The following DAAM2 variants were observed in gnomAD, a reference collection of about 807,000 sequenced individuals.
DAAM2 encodes the protein dishevelled associated activator of morphogenesis 2, also known as disheveled-associated activator of morphogenesis 2.
A neutral mutation model predicts 120.7 loss-of-function variants in DAAM2; 39 were observed. That is an observed-to-expected ratio of 0.32 (90% confidence interval 0.25 to 0.42). DAAM2 has a LOEUF of 0.42. DAAM2 is among the 10% of genes least tolerant of loss of function. The pLI, the probability that DAAM2 is intolerant of heterozygous loss-of-function variation, is 1.00. For synonymous variants in DAAM2, 488 were observed against 524.9 expected (o/e 0.93, Z 0.96); for missense variants, 1,283 against 1,401.7 (o/e 0.92, Z 1.35).
chr6:39,798,998 G>A (rs1761783346), intron 1 of DAAM2, among the ~76,000 whole-genome samples: 1 of 152,146 alleles, frequency 6.6e-6, no homozygotes, highest in African/African-American at 2.4e-5. Flanking sequence ...ATATCAACTA[G>A]GCCCTTAATC....
chr6:39,839,124 A>T (rs1316235959), intron 1 of DAAM2, among the ~76,000 whole-genome samples: 4 of 150,572 alleles, frequency 2.7e-5, no homozygotes, highest in African/African-American at 9.8e-5. Context: ...TATTTTTTTT[A>T]AATGCCCCGT....
At chr6:39,830,806 A>G (rs1441161953) in intron 1 of DAAM2, among the ~76,000 whole-genome samples, 1 of 152,162 alleles carries the variant, frequency 6.6e-6, no homozygotes, top group Non-Finnish European at 1.5e-5. Flanking sequence ...CACCTCTGAC[A>G]TTTAGCCTCC....
chr6:39,839,953 G>A lies in DAAM2; in HGVS notation c.-56-16294G>A, dbSNP rs770024964. On this transcript the variant is annotated intron_variant, in intron 1 of 24. Coordinates refer to ENST00000274867, the MANE Select transcript of DAAM2 (RefSeq NM_001201427.2). ...TAAGACAGCTGGGTCATGGCCAGGC[G>A]CAGTAGCTCACACTCATAATCCCAG... Among the ~76,000 whole-genome samples the A allele has an allele frequency of 6.6e-5, 10 of 152,328 alleles. 1 individual carries two copies. The highest frequency in any genetic ancestry group is 2.1e-4 in the South Asian group (1 of 4,826).
chr6:39,900,931 A>G (rs914421005), intron 23 of DAAM2, among the ~76,000 whole-genome samples: 17 of 152,174 alleles, frequency 1.1e-4, no homozygotes, highest in Non-Finnish European at 2.1e-4. Flanking sequence ...CAGTGGAGGA[A>G]GCTGAGGCAC....
intron 15 of DAAM2, chr6:39,886,341 T>C (rs904523823): frequency 7.5e-5 from 30 of 398,472 alleles, no homozygotes; most frequent in African/African-American, 5.4e-4. Context: ...CCTGTGTCTG[T>C]CATGCTATTT....
intron 15 of DAAM2, chr6:39,886,776 C>T (rs1582740315): frequency 3.7e-6 from 1 of 268,894 alleles, no homozygotes; most frequent in East Asian, 6.3e-5. Context: ...CAAAGATAAC[C>T]ATGCAAGGCG....
At chr6:39,843,305 G>GT (rs1392372636) in intron 1 of DAAM2, among the ~76,000 whole-genome samples, 2 of 152,164 alleles carry the variant, frequency 1.3e-5, no homozygotes, top group African/African-American at 4.8e-5. Flanking sequence ...GGAGTGTGGA[G>GT]TGGAGGAGTG....
At chr6:39,800,244 G>T (rs1351174126) in intron 1 of DAAM2, among the ~76,000 whole-genome samples, 3 of 152,144 alleles carry the variant, frequency 2.0e-5, no homozygotes, top group African/African-American at 7.2e-5. Flanking sequence ...TAGGCTGCGT[G>T]ACGGATGTAC....
Position 39,879,424 on chromosome 6 carries a change from G to A in DAAM2, c.1792G>A (p.Val598Ile), listed in dbSNP as rs752533513. Residue 598 changes from valine to isoleucine, a missense_variant, in exon 14 of 25, where the codon GTC becomes ATC. Coordinates refer to ENST00000274867, the MANE Select transcript of DAAM2 (RefSeq NM_001201427.2). ...SSDVPLRKKR[V>I]PQPSHPLKSF... ...TGACGTCCCACTCAGGAAAAAGCGT[G>A]TCCCCCAGCCTTCTCACCCACTGAA... The A allele has an allele frequency of 6.2e-7, 1 of 1,613,880 alleles. No homozygotes were observed. The highest frequency in any genetic ancestry group is 1.1e-5 in the South Asian group (1 of 91,086).
chr6:39,863,814 C>T (rs1764311688), intron 3 of DAAM2, among the ~76,000 whole-genome samples: 1 of 152,186 alleles, frequency 6.6e-6, no homozygotes, highest in Admixed American at 6.5e-5. Flanking sequence ...GCACATCCCC[C>T]TCATTCAGGA....
At chr6:39,871,927 C>G (rs1437313344) in intron 9 of DAAM2, among the ~76,000 whole-genome samples, 1 of 152,164 alleles carries the variant, frequency 6.6e-6, no homozygotes, top group Non-Finnish European at 1.5e-5. Flanking sequence ...GCCACTGGAG[C>G]AAGTTCTGGA....
intron 1 of DAAM2, among the ~76,000 whole-genome samples, chr6:39,799,322 G>A (rs1761793537): frequency 6.6e-6 from 1 of 152,214 alleles, no homozygotes; most frequent in African/African-American, 2.4e-5. Flanking sequence ...ATTGGGAGTT[G>A]ATTTGGTATG....
chr6:39,818,906 G>T (rs1210238062), intron 1 of DAAM2: 1 of 152,132 alleles, frequency 6.6e-6, no homozygotes, highest in Non-Finnish European at 1.5e-5. Flanking sequence ...TCTAGAGTGG[G>T]GTTGAGCAAT....
At chr6:39,873,198 G>A in intron 9 of DAAM2, 40 bp from the exon 10 acceptor site, 1 of 1,347,910 alleles carries the variant, frequency 7.4e-7, no homozygotes, top group Non-Finnish European at 1.1e-6. Context: ...GACTTCCTCT[G>A]CTGCCTACCC....
chr6:39,854,889 T>A (rs1409475620), intron 1 of DAAM2, among the ~76,000 whole-genome samples: 1 of 152,210 alleles, frequency 6.6e-6, no homozygotes, highest in Non-Finnish European at 1.5e-5. Context: ...GAAACTTCCC[T>A]GGCATTCCTA....
At chr6:39,839,765 G>C (rs1488759449) in intron 1 of DAAM2, among the ~76,000 whole-genome samples, 1 of 152,260 alleles carries the variant, frequency 6.6e-6, no homozygotes, top group East Asian at 1.9e-4. Flanking sequence ...CCAGAGGCCA[G>C]TGAGGGGAGC....
rs1582744769 is a variant in DAAM2 at position 39,888,592 on chromosome 6, G to A, written c.2061-87G>A. ...ACTATTAAATATATTCCCAAGTCCTGTTAGGGAATGAGGGAAGGCGGAGGT... is the reference window on the plus strand; with the variant it reads ...ACTATTAAATATATTCCCAAGTCCTATTAGGGAATGAGGGAAGGCGGAGGT... On this transcript the variant is annotated intron_variant, in intron 16 of 24. Transcript: ENST00000274867. 16 of 1,112,160 alleles carry A rather than the reference G, an allele frequency of 1.4e-5. No homozygotes were observed. In the Middle Eastern group the frequency reaches 1.0e-3, roughly 71 times the overall value. 68.9% of individuals were successfully genotyped at this position (1,112,160 alleles called of 1,614,324 possible).
chr6:39,890,060 G>A (rs1029388268), intron 17 of DAAM2, among the ~76,000 whole-genome samples: 28 of 152,180 alleles, frequency 1.8e-4, no homozygotes, highest in African/African-American at 6.0e-4. Flanking sequence ...CCCAGGAGGC[G>A]GAGGTTGCAG....
rs1766140979 is a variant in DAAM2, at chr6:39,897,000, G to A, written c.2510+20G>A. 3 of 1,594,176 alleles carry A rather than the reference G, an allele frequency of 1.9e-6. No individual in the cohort carries two copies. Among genetic ancestry groups the A allele is most frequent in the Non-Finnish European group, 2.6e-6 (3 of 1,170,540 alleles). ...CGACAGGTGAGGACCTCCCTTCCCG[G>A]CCACTTCCTTGGCCTCTATCTCACC... On this transcript the variant is annotated intron_variant, in intron 20 of 24. Coordinates refer to ENST00000274867, the MANE Select transcript of DAAM2 (RefSeq NM_001201427.2).
Sources: gnomAD v4.1 joint callset for allele counts (sites outside exome capture counted in the v4.1 genomes callset) on GRCh38, gnomAD v4.1.1 for gene constraint, MANE v1.5 for transcripts, NCBI Gene and HGNC (gene_info 2026-07-23, HGNC 2026-07-21) for gene names.